The following DSCAM variants were observed in gnomAD, a reference collection of about 807,000 sequenced individuals.
DSCAM encodes the protein DS cell adhesion molecule.
Under a neutral mutation model 217.7 loss-of-function variants are expected in DSCAM, and 47 were observed. The observed-to-expected ratio is 0.22, with a 90% confidence interval of 0.17 to 0.28. DSCAM has a LOEUF of 0.28. Among genes scored for constraint, DSCAM ranks in the 10% least tolerant of loss-of-function variants. The pLI, the probability that DSCAM is intolerant of heterozygous loss-of-function variation, is 1.00. For synonymous variants in DSCAM, 1,056 were observed against 1,015.3 expected, an observed-to-expected ratio of 1.04 and a Z score of -0.76; for missense variants, 2,080 against 2,618.3, an observed-to-expected ratio of 0.79 and a Z score of 4.49.
At chr21:40,367,451 C>G (rs1416120286) in intron 4 of DSCAM, among the ~76,000 whole-genome samples, 1 of 152,056 alleles carries the variant, frequency 6.6e-6, no homozygotes, top group Non-Finnish European at 1.5e-5. Context: ...GACCCAAACT[C>G]CAGATGTACA....
At chr21:40,767,746 T>C (rs534442753) in intron 1 of DSCAM, among the ~76,000 whole-genome samples, 1 of 152,334 alleles carries the variant, frequency 6.6e-6, no homozygotes, top group South Asian at 2.1e-4. Flanking sequence ...GCATCACAGC[T>C]AATTGACGGG....
intron 3 of DSCAM, among the ~76,000 whole-genome samples, chr21:40,380,022 G>A (rs749561921): frequency 7.2e-5 from 11 of 152,202 alleles, no homozygotes; most frequent in Non-Finnish European, 1.6e-4. Flanking sequence ...GATCCAGTAT[G>A]TAAGGAGAGA....
chr21:40,466,367 G>A (rs1299096017), intron 3 of DSCAM, among the ~76,000 whole-genome samples: 1 of 152,074 alleles, frequency 6.6e-6, no homozygotes, highest in Non-Finnish European at 1.5e-5. Flanking sequence ...ATGGTTGATT[G>A]TTGATCCACG....
intron 3 of DSCAM, among the ~76,000 whole-genome samples, chr21:40,392,603 C>T (rs2075143901): frequency 6.6e-6 from 1 of 152,080 alleles, no homozygotes; most frequent in Admixed American, 6.6e-5. Flanking sequence ...AATTGGAATT[C>T]CAGGATGGGG....
intron 3 of DSCAM, among the ~76,000 whole-genome samples, chr21:40,435,314 T>C (rs948710725): frequency 6.6e-6 from 1 of 152,228 alleles, no homozygotes; most frequent in Non-Finnish European, 1.5e-5. Context: ...TCAACTTCTC[T>C]AATGTTTGTT....
chr21:40,050,714 C>T (rs993282227), intron 30 of DSCAM, among the ~76,000 whole-genome samples: 1 of 152,144 alleles, frequency 6.6e-6, no homozygotes, highest in Non-Finnish European at 1.5e-5. Flanking sequence ...ATCTCCTGAC[C>T]TCGTGATCCG....
At chr21:40,043,988 C>G (rs2088800952) in intron 31 of DSCAM, 90 bp downstream of exon 31, 1 of 1,341,264 alleles carries the variant, frequency 7.5e-7, no homozygotes, top group African/African-American at 1.4e-5. Flanking sequence ...GGGAGGAAGC[C>G]CTCTCTCCCC....
chr21:40,079,922 A>G (rs1319974114), intron 25 of DSCAM, among the ~76,000 whole-genome samples: 1 of 152,040 alleles, frequency 6.6e-6, no homozygotes, highest in Non-Finnish European at 1.5e-5. Flanking sequence ...TTGATTTTCA[A>G]ACTGACATTC....
rs561140924 is a variant in DSCAM, at chr21:40,655,511, C to A, written c.508+37299G>T. ...AGGCTGGAGCACAGTGGCACAATCA[C>A]GGCTCATTACAGCCTTGACCTCCTG... On this transcript the variant is annotated intron_variant, in intron 3 of 32. Transcript: ENST00000400454. Among the ~76,000 whole-genome samples, 5 of 150,048 alleles carry A rather than the reference C, an allele frequency of 3.3e-5. No individual in the cohort carries two copies. In the East Asian group the frequency reaches 9.9e-4, roughly 30 times the overall value.
At chr21:40,720,488 C>G (rs550800028) in intron 1 of DSCAM, among the ~76,000 whole-genome samples, 1 of 152,202 alleles carries the variant, frequency 6.6e-6, no homozygotes, top group East Asian at 1.9e-4. Flanking sequence ...TATGTTATAG[C>G]AATTTTGCCT....
intron 1 of DSCAM, among the ~76,000 whole-genome samples, chr21:40,785,744 A>G (rs974000474): frequency 1.3e-5 from 2 of 152,212 alleles, no homozygotes; most frequent in Admixed American, 6.5e-5. Flanking sequence ...TATGCCAAGA[A>G]AAGCCATGGG....
At chr21:40,591,516 G>C (rs1360242814) in intron 3 of DSCAM, among the ~76,000 whole-genome samples, 1 of 152,178 alleles carries the variant, frequency 6.6e-6, no homozygotes, top group Non-Finnish European at 1.5e-5. Flanking sequence ...ATCCCAGTAT[G>C]ACAGACATTT....
rs967325262 is a variant in DSCAM, at chr21:40,332,561, A to G, written c.1783+5540T>C. On this transcript the variant is annotated intron_variant, in intron 8 of 32. Transcript: ENST00000400454. ...GCAGTGTTGATCCCCAGCAATTAGAACACGCAATTAAGCACCGTTCAAGTT... is the reference window on the plus strand; with the variant it reads ...GCAGTGTTGATCCCCAGCAATTAGAGCACGCAATTAAGCACCGTTCAAGTT... Among the ~76,000 whole-genome samples the G allele has an allele frequency of 7.2e-5, 11 of 152,326 alleles. 2 individuals carry two copies. The highest frequency in any genetic ancestry group is 7.2e-4 in the Admixed American group (11 of 15,302).
intron 3 of DSCAM, among the ~76,000 whole-genome samples, chr21:40,430,228 G>A (rs1163625164): frequency 6.6e-6 from 1 of 152,208 alleles, no homozygotes; most frequent in Admixed American, 6.5e-5. Context: ...ACAAGTTGAT[G>A]TAGAGACAGC....
intron 32 of DSCAM, among the ~76,000 whole-genome samples, chr21:40,032,235 C>T (rs190228257): frequency 2.6e-5 from 4 of 152,254 alleles, no homozygotes; most frequent in Admixed American, 1.3e-4. Flanking sequence ...TCTCATGGAT[C>T]GTTCCATAGT....
intron 27 of DSCAM, among the ~76,000 whole-genome samples, chr21:40,072,312 C>T (rs1164493375): frequency 6.6e-6 from 1 of 151,980 alleles, no homozygotes; most frequent in Non-Finnish European, 1.5e-5. Flanking sequence ...AAATTGGGTA[C>T]CCAATCCTTG....
At chr21:40,032,738 G>GT (rs1322639734) in intron 32 of DSCAM, among the ~76,000 whole-genome samples, 2 of 152,236 alleles carry the variant, frequency 1.3e-5, no homozygotes, top group East Asian at 1.9e-4. Flanking sequence ...TGGTCTCTGT[G>GT]TTTTTTATTG....
intron 3 of DSCAM, among the ~76,000 whole-genome samples, chr21:40,469,069 C>A (rs766259039): frequency 2.0e-5 from 3 of 152,120 alleles, no homozygotes; most frequent in Non-Finnish European, 4.4e-5. Flanking sequence ...AAGAGAATGG[C>A]CTCAACACTG....
At chr21:40,182,565 G>GT (rs201993408) in intron 14 of DSCAM, among the ~76,000 whole-genome samples, 4 of 139,228 alleles carry the variant, frequency 2.9e-5, no homozygotes, top group South Asian at 4.8e-4. Context: ...CAGGAGGGAG[G>GT]TACCAGAGAA....
Sources: allele counts gnomAD v4.1 joint callset (sites outside exome capture counted in the v4.1 genomes callset), GRCh38; gene constraint gnomAD v4.1.1; transcripts MANE v1.5; gene names NCBI Gene and HGNC (gene_info 2026-07-23, HGNC 2026-07-21).